The following LRBA variants were observed in gnomAD, a reference collection of about 807,000 sequenced individuals.
The protein encoded by LRBA is LPS responsive beige-like anchor protein, also known as lipopolysaccharide-responsive and beige-like anchor protein.
LRBA carries 176 observed loss-of-function variants against 330.0 expected under a neutral mutation model. The ratio of observed to expected loss-of-function variants is 0.53; its 90% confidence interval spans 0.47 to 0.60. The LOEUF (loss-of-function observed/expected upper bound fraction) is 0.60, where lower values mean the gene tolerates loss of function less well. LRBA is among the 20% of genes least tolerant of loss of function. The probability of loss-of-function intolerance (pLI) is 0.00; values close to 1 mark genes in which losing one functional copy is unlikely to be tolerated. For synonymous variants in LRBA, 1,230 were observed against 1,193.0 expected (o/e 1.03, Z -0.64); for missense variants, 3,259 against 3,444.8 (o/e 0.95, Z 1.35).
At chr4:150,572,278 T>C (rs544586965) in intron 40 of LRBA, among the ~76,000 whole-genome samples, 1 of 152,260 alleles carries the variant, frequency 6.6e-6, no homozygotes, top group South Asian at 2.1e-4. Context: ...TAGTGCCATT[T>C]ACAAATGGTT....
At chr4:150,903,965 A>G (rs1939289292) in intron 13 of LRBA, among the ~76,000 whole-genome samples, 3 of 152,184 alleles carry the variant, frequency 2.0e-5, no homozygotes, top group Admixed American at 2.0e-4. Flanking sequence ...GTAGTCACTC[A>G]ACAAATATTT....
intron 44 of LRBA, among the ~76,000 whole-genome samples, chr4:150,445,401 A>C (rs1752497048): frequency 2.1e-5 from 3 of 144,794 alleles, no homozygotes; most frequent in African/African-American, 7.6e-5. Flanking sequence ...ATATATATAT[A>C]TATATATATA....
At chr4:150,555,477 G>C (rs1561343911) in intron 40 of LRBA, among the ~76,000 whole-genome samples, 1 of 152,016 alleles carries the variant, frequency 6.6e-6, no homozygotes, top group Non-Finnish European at 1.5e-5. Flanking sequence ...AAACAGAATT[G>C]GCTGGGTGCA....
rs184915782 is a variant in LRBA at position 150,545,518 on chromosome 4, A to C, written c.6330+42530T>G. Among the ~76,000 whole-genome samples the C allele has an allele frequency of 7.2e-5, 11 of 152,284 alleles. No individual in the cohort carries two copies. The East Asian group carries it at 2.1e-3, about 29-fold the overall frequency. ...AGACCACAATCATAATTCTTTTTAA[A>C]ATAAAAATGTGAACATTAAGCTTAA... On this transcript the variant is annotated intron_variant, in intron 40 of 56. Transcript: ENST00000651943.
chr4:150,596,943 C>G, intron 38 of LRBA: 1 of 454,672 alleles, frequency 2.2e-6, no homozygotes. Context: ...TATGATATAT[C>G]TCTGAAATTG....
chr4:150,559,670 TA>T (rs1296453839), intron 40 of LRBA, among the ~76,000 whole-genome samples: 2 of 85,240 alleles, frequency 2.3e-5, no homozygotes, highest in Non-Finnish European at 4.2e-5. Context: ...ATAATATATA[TA>T]TTATATAATA....
At chr4:150,692,172 C>G (rs568149630) in intron 36 of LRBA, among the ~76,000 whole-genome samples, 1 of 152,016 alleles carries the variant, frequency 6.6e-6, no homozygotes, top group East Asian at 1.9e-4. Context: ...TTATTACATG[C>G]AAACTATACT....
intron 34 of LRBA, among the ~76,000 whole-genome samples, chr4:150,764,598 C>A (rs941291188): frequency 6.6e-6 from 1 of 151,896 alleles, no homozygotes; most frequent in Admixed American, 6.6e-5. Flanking sequence ...CAAAAACAAA[C>A]AATCACATTA....
intron 23 of LRBA, 47 bp from the exon 24 acceptor site, chr4:150,850,949 G>A: frequency 7.2e-7 from 1 of 1,393,158 alleles, no homozygotes; most frequent in African/African-American, 1.4e-5. Context: ...AACTTCAGCA[G>A]GAGGCTTTAG....
intron 17 of LRBA, among the ~76,000 whole-genome samples, chr4:150,873,661 T>C (rs1246666128): frequency 6.6e-6 from 1 of 151,916 alleles, no homozygotes; most frequent in African/African-American, 2.4e-5. Flanking sequence ...ATAATGCAAC[T>C]GAAATTAAAC....
At chr4:150,983,771 T>C (rs1462324181) in intron 2 of LRBA, among the ~76,000 whole-genome samples, 1 of 136,956 alleles carries the variant, frequency 7.3e-6, no homozygotes, top group African/African-American at 2.7e-5. Flanking sequence ...TACTCCGTCT[T>C]AAAAAAAAAA....
chr4:150,357,275 C>A (rs1213415523), intron 47 of LRBA, among the ~76,000 whole-genome samples: 1 of 151,948 alleles, frequency 6.6e-6, no homozygotes, highest in African/African-American at 2.4e-5. Context: ...GAGAATCATT[C>A]TGTCTACGAT....
intron 34 of LRBA, among the ~76,000 whole-genome samples, chr4:150,778,335 G>C (rs1296580157): frequency 6.6e-6 from 1 of 152,082 alleles, no homozygotes; most frequent in African/African-American, 2.4e-5. Flanking sequence ...TGAATAAAGA[G>C]AAAGTAACTA....
chr4:150,900,649 A>T (rs951315672), intron 13 of LRBA, among the ~76,000 whole-genome samples: 10 of 152,274 alleles, frequency 6.6e-5, no homozygotes, highest in African/African-American at 2.4e-4. Context: ...GACTCAAAAG[A>T]AAAAGTACTA....
At chr4:150,605,079 G>T (rs377491223) in intron 37 of LRBA, among the ~76,000 whole-genome samples, 1 of 152,108 alleles carries the variant, frequency 6.6e-6, no homozygotes, top group East Asian at 1.9e-4. Flanking sequence ...CATTAAGTTC[G>T]CATTGCTATA....
chr4:150,388,644 A>AT, intron 47 of LRBA, among the ~76,000 whole-genome samples: 1 of 152,278 alleles, frequency 6.6e-6, no homozygotes, highest in East Asian at 1.9e-4. Context: ...TTGTGATATA[A>AT]TTTTTTAAAA....
intron 37 of LRBA, among the ~76,000 whole-genome samples, chr4:150,607,997 T>G (rs1313342107): frequency 1.3e-5 from 2 of 152,190 alleles, no homozygotes; most frequent in Admixed American, 1.3e-4. Flanking sequence ...ATCGCGCCAC[T>G]GCACTCCAGC....
At chr4:150,286,135 T>C (rs547306277) in intron 53 of LRBA, 101 bp from the exon 54 acceptor site, 2 of 851,762 alleles carry the variant, frequency 2.3e-6, no homozygotes, top group East Asian at 5.8e-5. Context: ...ATTTAATTTA[T>C]AGTTTGGGAA....
At position 150,895,829 on chromosome 4, in the gene LRBA, T is replaced by A. The variant is rs543475182; in HGVS notation, c.2067+565A>T. Among the ~76,000 whole-genome samples the A allele has an allele frequency of 6.6e-4, 101 of 152,308 alleles. 2 individuals are homozygous for A. In the Middle Eastern group the frequency reaches 0.01, roughly 15 times the overall value. On this transcript the variant is annotated intron_variant, in intron 16 of 56. Transcript: ENST00000651943. ...TGGGATGGCTGGGTCAAATGGTATT[T>A]CTAGTTCTAGATCCCTGAGGAATCG...
Sources: allele counts gnomAD v4.1 joint callset (sites outside exome capture counted in the v4.1 genomes callset), GRCh38; gene constraint gnomAD v4.1.1; transcripts MANE v1.5; gene names NCBI Gene and HGNC (gene_info 2026-07-23, HGNC 2026-07-21).